INPP4B: variants seen among roughly 807,000 people sequenced by gnomAD.
The protein encoded by INPP4B is inositol polyphosphate 4-phosphatase type II.
In INPP4B, 55 loss-of-function variants were observed where a neutral mutation model predicts 122.5. The observed-to-expected ratio is 0.45, with a 90% CI of 0.36 to 0.56. The LOEUF (loss-of-function observed/expected upper bound fraction) is 0.56, where lower values mean the gene tolerates loss of function less well. INPP4B is among the 20% of genes least tolerant of loss of function. INPP4B has a pLI of 0.00. For synonymous variants in INPP4B, 403 were observed against 388.7 expected, an observed-to-expected ratio of 1.04 and a Z score of -0.43; for missense variants, 1,000 against 1,097.7, an observed-to-expected ratio of 0.91 and a Z score of 1.26.
intron 23 of INPP4B, among the ~76,000 whole-genome samples, chr4:142,103,509 A>G (rs1311550149): frequency 6.6e-6 from 1 of 152,126 alleles, no homozygotes; most frequent in Non-Finnish European, 1.5e-5. Flanking sequence ...AACGAGTGTC[A>G]GAAGTGATTG....
At chr4:142,299,363 T>C (rs539705318) in intron 9 of INPP4B, among the ~76,000 whole-genome samples, 2 of 152,080 alleles carry the variant, frequency 1.3e-5, no homozygotes, top group South Asian at 4.1e-4. Context: ...GGTTTTGGCA[T>C]GTTATAGTTG....
chr4:142,505,114 C>A (rs915209235), intron 2 of INPP4B, among the ~76,000 whole-genome samples: 5 of 151,616 alleles, frequency 3.3e-5, no homozygotes, highest in Admixed American at 3.3e-4. Context: ...AGTGGTATGC[C>A]TGTAGTCCCA....
intron 1 of INPP4B, among the ~76,000 whole-genome samples, chr4:142,806,203 C>T (rs528503082): frequency 6.0e-5 from 8 of 133,378 alleles, no homozygotes; most frequent in Non-Finnish European, 1.1e-4. Flanking sequence ...GGCGTGAACC[C>T]GGGAGGCGGA....
At chr4:142,166,199 G>C (rs1411884731) in intron 16 of INPP4B, among the ~76,000 whole-genome samples, 1 of 151,448 alleles carries the variant, frequency 6.6e-6, no homozygotes, top group Non-Finnish European at 1.5e-5. Flanking sequence ...CTTTTACACT[G>C]TACATTAAGG....
chr4:142,187,516 G>A (rs1833681548), intron 15 of INPP4B, among the ~76,000 whole-genome samples: 1 of 151,750 alleles, frequency 6.6e-6, no homozygotes, highest in Non-Finnish European at 1.5e-5. Context: ...GTGTGTCTGT[G>A]TGTGTATATC....
At chr4:142,306,964 C>G (rs1470361976) in intron 8 of INPP4B, among the ~76,000 whole-genome samples, 3 of 152,150 alleles carry the variant, frequency 2.0e-5, no homozygotes, top group Admixed American at 1.3e-4. Flanking sequence ...ATGATAAACC[C>G]AATTAATTGA....
At chr4:142,339,469 A>G (rs996525168) in intron 7 of INPP4B, among the ~76,000 whole-genome samples, 1 of 152,196 alleles carries the variant, frequency 6.6e-6, no homozygotes, top group Non-Finnish European at 1.5e-5. Context: ...TGGGCCCTGG[A>G]AATATGAAAA....
At chr4:142,572,689 T>C (rs967236708) in intron 2 of INPP4B, among the ~76,000 whole-genome samples, 1 of 152,000 alleles carries the variant, frequency 6.6e-6, no homozygotes, top group Non-Finnish European at 1.5e-5. Context: ...AAGTTAATGA[T>C]GTCTTATTAA....
chr4:142,161,263 T>C (rs111657501), intron 16 of INPP4B, among the ~76,000 whole-genome samples: 4 of 152,108 alleles, frequency 2.6e-5, no homozygotes, highest in African/African-American at 7.2e-5. Flanking sequence ...GTACGTACTA[T>C]AGCAATGAAG....
At chr4:142,663,921 T>C (rs1275204532) in intron 2 of INPP4B, among the ~76,000 whole-genome samples, 3 of 152,206 alleles carry the variant, frequency 2.0e-5, no homozygotes, top group Non-Finnish European at 4.4e-5. Context: ...TTTGCTTAAA[T>C]GAAGTAATTA....
At chr4:142,760,541 A>C (rs748646091) in intron 1 of INPP4B, among the ~76,000 whole-genome samples, 1 of 152,266 alleles carries the variant, frequency 6.6e-6, no homozygotes, top group Non-Finnish European at 1.5e-5. Flanking sequence ...GAAGAGCCAC[A>C]ATACTCTTAT....
At position 142,734,018 on chromosome 4, in the gene INPP4B, T is replaced by C. The variant is rs560600199; in HGVS notation, c.-253-8117A>G. 3.8e-4 allele frequency among the ~76,000 whole-genome samples: 58 copies of C among 152,206 alleles called. 1 individual carries two copies. The highest frequency in any genetic ancestry group is 1.6e-3 in the Admixed American group (24 of 15,274). ...TGTACTATAGGAAAACATTCTGTTA[T>C]GGGCTCAATTGCATCCCCTCACAAT... On this transcript the variant is annotated intron_variant, in intron 1 of 25. Transcript: ENST00000262992.
intron 12 of INPP4B, among the ~76,000 whole-genome samples, chr4:142,228,445 G>C (rs1267284482): frequency 1.3e-5 from 2 of 151,962 alleles, no homozygotes; most frequent in Admixed American, 6.6e-5. Context: ...AAAGCTATCA[G>C]TTCTTTTAAA....
At chr4:142,276,885 C>T (rs1748712116) in intron 9 of INPP4B, among the ~76,000 whole-genome samples, 1 of 151,844 alleles carries the variant, frequency 6.6e-6, no homozygotes, top group Admixed American at 6.6e-5. Flanking sequence ...GGAAACATTT[C>T]AATGCTAAAT....
chr4:142,400,650 T>G (rs563590855), intron 7 of INPP4B, among the ~76,000 whole-genome samples: 1 of 152,318 alleles, frequency 6.6e-6, no homozygotes, highest in Non-Finnish European at 1.5e-5. Flanking sequence ...TAATCAACAG[T>G]GCTTGATAAA....
chr4:142,158,157 CACTA>C (rs1282398513), intron 17 of INPP4B, among the ~76,000 whole-genome samples: 4 of 152,104 alleles, frequency 2.6e-5, no homozygotes, highest in African/African-American at 9.7e-5. Context: ...CAAACACACA[CACTA>C]ACTACCTCTC....
At chr4:142,380,716 CTGTA>C (rs1464331153) in intron 7 of INPP4B, among the ~76,000 whole-genome samples, 2 of 152,012 alleles carry the variant, frequency 1.3e-5, no homozygotes, top group Non-Finnish European at 2.9e-5. Context: ...ATTTCATCTA[CTGTA>C]TGTATCCTCC....
chr4:142,060,044 T>C (rs927093058), intron 25 of INPP4B, among the ~76,000 whole-genome samples: 4 of 152,202 alleles, frequency 2.6e-5, no homozygotes, highest in Non-Finnish European at 4.4e-5. Context: ...AGTTATAGAA[T>C]GGCTACTTGC....
chr4:142,237,281 A>C (rs1166732020), intron 12 of INPP4B, among the ~76,000 whole-genome samples: 2 of 152,172 alleles, frequency 1.3e-5, no homozygotes, highest in East Asian at 3.8e-4. Context: ...AGGAAAAGAC[A>C]CAAGAATTAT....
Sources: gnomAD v4.1 joint callset for allele counts (sites outside exome capture counted in the v4.1 genomes callset) on GRCh38, gnomAD v4.1.1 for gene constraint, MANE v1.5 for transcripts, NCBI Gene and HGNC (gene_info 2026-07-23, HGNC 2026-07-21) for gene names.